Variants in RIPOR3 observed in about 807,000 individuals in gnomAD.
RIPOR3 encodes RIPOR family member 3.
Under a neutral mutation model 114.3 loss-of-function variants are expected in RIPOR3, and 95 were observed. The observed-to-expected ratio is 0.83, with a 90% confidence interval of 0.70 to 0.99. The LOEUF (loss-of-function observed/expected upper bound fraction) is 0.99, where lower values mean the gene tolerates loss of function less well. Among genes scored for constraint, RIPOR3 ranks in the 50% least tolerant of loss-of-function variants. RIPOR3 has a pLI of 0.00. For missense variants in RIPOR3, 1,252 were observed against 1,266.9 expected (o/e 0.99, Z 0.18); for synonymous variants, 575 against 543.8 (o/e 1.06, Z -0.80).
chr20:50,594,484 C>T, intron 17 of RIPOR3, 69 bp downstream of exon 17: 1 of 1,547,262 alleles, frequency 6.5e-7, no homozygotes. Flanking sequence ...GCTGTGGCCA[C>T]CCTGAAGGCC....
chr20:50,642,988 C>T lies in RIPOR3; in HGVS notation c.4-12132G>A, dbSNP rs573122578. On this transcript the variant is annotated intron_variant, in intron 1 of 21. Transcript: ENST00000327979. ...GCTTGAACCCGGGAGGCAGAGGTTG[C>T]GGTGAGCCGAGATTGCACCATTGCA... Among the ~76,000 whole-genome samples the T allele has an allele frequency of 2.7e-3, 408 of 151,992 alleles. 4 individuals carry two copies. Among genetic ancestry groups the T allele is most frequent in the African/African-American group, 9.0e-3 (374 of 41,472 alleles).
chr20:50,608,823 C>G (rs1433134378), intron 9 of RIPOR3, 85 bp from the exon 10 acceptor site: 5 of 1,612,106 alleles, frequency 3.1e-6, no homozygotes, highest in Admixed American at 1.7e-5. Flanking sequence ...CCAGGCAGAG[C>G]CCCAGCTGCA....
rs1257108899 is a variant in RIPOR3 at position 50,606,547 on chromosome 20, T to C, written c.957-1773A>G. 2.0e-5 allele frequency among the ~76,000 whole-genome samples: 3 copies of C among 152,002 alleles called. No homozygotes were observed. In the South Asian group the frequency reaches 6.2e-4, roughly 32 times the overall value. ...TGGGCCGCTGGCGAAACAGGGACCATCCCTCTATCTGCATAGGGCGCCATC... is the reference window on the plus strand; with the variant it reads ...TGGGCCGCTGGCGAAACAGGGACCACCCCTCTATCTGCATAGGGCGCCATC... On this transcript the variant is annotated intron_variant, in intron 11 of 21. Transcript: ENST00000327979.
intron 12 of RIPOR3, among the ~76,000 whole-genome samples, chr20:50,603,754 G>T (rs898906738): frequency 2.0e-5 from 3 of 152,130 alleles, no homozygotes; most frequent in Non-Finnish European, 4.4e-5. Flanking sequence ...TGTGAATCTG[G>T]GTACACGGAC....
intron 1 of RIPOR3, among the ~76,000 whole-genome samples, chr20:50,679,351 C>A (rs1426141305): frequency 6.6e-6 from 1 of 150,610 alleles, no homozygotes; most frequent in East Asian, 2.0e-4. Context: ...GGCCAACAAA[C>A]AGTGGACTGG....
At chr20:50,592,966 T>G in intron 18 of RIPOR3, 69 bp downstream of exon 18, 74 of 1,561,658 alleles carry the variant, frequency 4.7e-5, no homozygotes, top group Middle Eastern at 1.7e-4. Flanking sequence ...AATTATAACC[T>G]GAGAAACTGC....
rs1435467382 is a variant in RIPOR3 at position 50,608,723 on chromosome 20, C to T, written c.700G>A (p.Gly234Ser). Residue 234 changes from glycine (G) to serine (S), a missense_variant, in exon 10 of 22, where the codon GGC (glycine) becomes AGC (serine). Physicochemically the swap from Gly to Ser is moderately conservative, Grantham distance 56. Coordinates refer to ENST00000327979, the MANE Select transcript of RIPOR3 (RefSeq NM_001290268.2). ...GDHYEVLMRL[G>S]RQRWKLKGRI... ...CCCTTGAGCTTCCAACGCTGGCGGC[C>T]CAGACGCATGAGCACCTGTGAACCA... 1 of 1,613,918 alleles carries T rather than the reference C, an allele frequency of 6.2e-7. No homozygotes were observed. Among genetic ancestry groups the T allele is most frequent in the Non-Finnish European group, 8.5e-7 (1 of 1,179,930 alleles).
In RIPOR3 at chr20:50,619,995, C is replaced by CT. The variant is rs1269138873; in HGVS notation, c.259dup (p.Arg87LysfsTer13). Reference sequence around the variant, plus strand: ...CACAGCCCAGCCTTACTTGAGGCCTCTTTTCAATGCTTCGAAGATCTTCTT... The same window carrying CT: ...CACAGCCCAGCCTTACTTGAGGCCTCTTTTTCAATGCTTCGAAGATCTTCTT... On this transcript the variant is annotated frameshift_variant, in exon 3 of 22. Coordinates refer to ENST00000327979, the MANE Select transcript of RIPOR3 (RefSeq NM_001290268.2). LOFTEE classifies it high-confidence loss of function. 1 of 1,612,202 alleles carries CT rather than the reference C, an allele frequency of 6.2e-7. No individual in the cohort carries two copies.
intron 1 of RIPOR3, among the ~76,000 whole-genome samples, chr20:50,685,254 T>TG (rs1418595014): frequency 1.3e-5 from 2 of 149,540 alleles, no homozygotes; most frequent in African/African-American, 2.5e-5. Flanking sequence ...GATGGAGTCT[T>TG]GCTCTATCAC....
At chr20:50,651,510 A>G (rs185671943) in intron 1 of RIPOR3, among the ~76,000 whole-genome samples, 66 of 152,282 alleles carry the variant, frequency 4.3e-4, no homozygotes, top group African/African-American at 1.5e-3. Flanking sequence ...TGAGAATGGA[A>G]GGCCCCTACT....
intron 1 of RIPOR3, among the ~76,000 whole-genome samples, chr20:50,662,965 G>T (rs760640955): frequency 6.6e-6 from 1 of 152,022 alleles, no homozygotes; most frequent in Admixed American, 6.6e-5. Flanking sequence ...TTGTCATAGC[G>T]CATGCCTGTA....
intron 1 of RIPOR3, among the ~76,000 whole-genome samples, chr20:50,642,602 C>G (rs192793582): frequency 6.1e-4 from 93 of 151,838 alleles, no homozygotes; most frequent in African/African-American, 2.1e-3. Flanking sequence ...CCCCCCTCCC[C>G]CCATGAGGCC....
At chr20:50,606,100 AGAGGCT>A (rs2083704103) in intron 11 of RIPOR3, among the ~76,000 whole-genome samples, 1 of 152,188 alleles carries the variant, frequency 6.6e-6, no homozygotes, top group African/African-American at 2.4e-5. Flanking sequence ...CAGCTACTTG[AGAGGCT>A]GAGGCTGGGG....
At chr20:50,653,298 G>A (rs2085682811) in intron 1 of RIPOR3, 1 of 152,210 alleles carries the variant, frequency 6.6e-6, no homozygotes, top group African/African-American at 2.4e-5. Context: ...ATTGCCAGAA[G>A]TTGAGGGAGG....
At chr20:50,665,472 G>A (rs1160994538) in intron 1 of RIPOR3, among the ~76,000 whole-genome samples, 10 of 147,550 alleles carry the variant, frequency 6.8e-5, no homozygotes, top group Non-Finnish European at 1.2e-4. Flanking sequence ...CCAGGCTGGA[G>A]GGCAGTGGTG....
chr20:50,608,264 G>A (rs372495616), intron 11 of RIPOR3, 125 bp downstream of exon 11: 2 of 1,351,780 alleles, frequency 1.5e-6, no homozygotes, highest in East Asian at 4.9e-5. Context: ...AGGGACAGAT[G>A]AGGACCCGTG....
intron 19 of RIPOR3, among the ~76,000 whole-genome samples, chr20:50,591,527 C>T (rs1419350817): frequency 6.6e-6 from 1 of 152,122 alleles, no homozygotes; most frequent in Non-Finnish European, 1.5e-5. Flanking sequence ...TAAAAACAAC[C>T]ACAAAGTAGG....
intron 1 of RIPOR3, among the ~76,000 whole-genome samples, chr20:50,682,269 A>T (rs6012995): frequency 0.81 from 123,315 of 152,160 alleles, 50,976 homozygotes; most frequent in East Asian, 0.96. Context: ...ACAAGTGATA[A>T]GCAATTATAT....
At chr20:50,665,421 C>CATTTT (rs2086152817) in intron 1 of RIPOR3, among the ~76,000 whole-genome samples, 2 of 107,844 alleles carry the variant, frequency 1.9e-5, no homozygotes, top group Admixed American at 2.3e-4. Context: ...CCCCCTCTTC[C>CATTTT]TTTTTTTTTT....
Sources: gnomAD v4.1 joint callset for allele counts (sites outside exome capture counted in the v4.1 genomes callset) on GRCh38, gnomAD v4.1.1 for gene constraint, MANE v1.5 for transcripts, NCBI Gene and HGNC (gene_info 2026-07-23, HGNC 2026-07-21) for gene names.